The following ATP13A5 variants were observed in gnomAD, a reference collection of about 807,000 sequenced individuals.
The protein encoded by ATP13A5 is probable cation-transporting ATPase 13A5.
A neutral mutation model predicts 150.2 loss-of-function variants in ATP13A5; 149 were observed. The observed-to-expected ratio is 0.99, with a 90% CI of 0.87 to 1.14. The LOEUF is 1.14. Ranked by LOEUF, ATP13A5 falls within the 50% of genes most tolerant of loss-of-function variation. The pLI is 0.00. For missense variants in ATP13A5, 1,383 were observed against 1,449.3 expected, an observed-to-expected ratio of 0.95 and a Z score of 0.74; for synonymous variants, 497 against 522.2, an observed-to-expected ratio of 0.95 and a Z score of 0.66.
rs1273629034 is a variant in ATP13A5 at position 193,324,864 on chromosome 3, C to T, written c.1674G>A (p.Trp558Ter). 1.2e-6 allele frequency: 2 copies of T among 1,613,426 alleles called. No homozygotes were observed. The highest frequency in any genetic ancestry group is 1.7e-5 in the Admixed American group (1 of 59,902). The part of the protein sequence containing the change: ...LDLKMFEGTA[W>*]KMEDCIVDSC... ...TCTTTCCATTAAACTATCACCTTAC[C>T]CAGGCAGTGCCCTCAAACATTTTGA... The change falls in exon 14 of 30, where the codon TGG becomes TGA. Residue 558 changes from tryptophan to a stop codon, truncating the protein, a stop_gained and splice_region_variant. Transcript: ENST00000342358. LOFTEE classifies it high-confidence loss of function.
intron 2 of ATP13A5, among the ~76,000 whole-genome samples, chr3:193,363,758 A>G (rs1713130221): frequency 6.6e-6 from 1 of 152,220 alleles, no homozygotes; most frequent in Admixed American, 6.5e-5. Flanking sequence ...CAAAATACAT[A>G]TTTTTGAAAA....
At chr3:193,341,905 G>A (rs1455708281) in intron 9 of ATP13A5, among the ~76,000 whole-genome samples, 1 of 152,228 alleles carries the variant, frequency 6.6e-6, no homozygotes, top group East Asian at 1.9e-4. Context: ...GGAATACCAA[G>A]TAGGGAGAAA....
intron 17 of ATP13A5, among the ~76,000 whole-genome samples, chr3:193,315,943 A>G (rs553663635): frequency 6.6e-6 from 1 of 152,198 alleles, no homozygotes; most frequent in African/African-American, 2.4e-5. Flanking sequence ...ATCCATTAAC[A>G]ACAACTTCCT....
Position 193,285,431 on chromosome 3 carries a change from TC to T in ATP13A5, c.3024-316del, listed in dbSNP as rs1228342035. Among the ~76,000 whole-genome samples, 12 of 152,316 alleles carry T rather than the reference TC, an allele frequency of 7.9e-5. No homozygotes were observed. In the South Asian group the frequency reaches 2.3e-3, roughly 29 times the overall value. On this transcript the variant is annotated intron_variant, in intron 26 of 29. Coordinates refer to ENST00000342358, the MANE Select transcript of ATP13A5 (RefSeq NM_198505.4). ...CAATTAAACTGTGTGTGTGTGGTTT[TC>T]TCTTTCGTGGACTAAACAAGACTCC...
At chr3:193,378,636 G>A in intron 1 of ATP13A5, 27 bp downstream of exon 1, 2 of 1,601,964 alleles carry the variant, frequency 1.2e-6, no homozygotes, top group Admixed American at 1.7e-5. Flanking sequence ...TCTTTGAGAA[G>A]ACTAATAAAA....
intron 6 of ATP13A5, 64 bp downstream of exon 6, chr3:193,354,063 A>G (rs1417435767): frequency 1.5e-6 from 2 of 1,347,596 alleles, no homozygotes; most frequent in Non-Finnish European, 2.1e-6. Flanking sequence ...TGTTCCTTCT[A>G]GGAAGTAAGA....
Position 193,314,177 on chromosome 3 carries a change from CG to C in ATP13A5, c.2174del (p.Thr725ArgfsTer11). 6.2e-7 allele frequency: 1 copy of C among 1,613,654 alleles called. No homozygotes were observed. The highest frequency in any genetic ancestry group is 8.5e-7 in the Non-Finnish European group (1 of 1,179,740). The stretch of plus-strand genomic sequence containing the variant: ...CAGAATTCTTTGCAACAGTAATGGC[CG>C]TTTGAAGGTTATCACCTAGAAGACA... Reference protein sequence around the residue: ...TVMITGDNLQTAITVAKNSEM... With the variant: ...TVMITGDNLQXAITVAKNSEM... On this transcript the variant is annotated frameshift_variant, in exon 19 of 30. Coordinates refer to ENST00000342358, the MANE Select transcript of ATP13A5 (RefSeq NM_198505.4). LOFTEE classifies it high-confidence loss of function.
chr3:193,289,231 G>T (rs1184682829), intron 26 of ATP13A5, among the ~76,000 whole-genome samples: 1 of 152,016 alleles, frequency 6.6e-6, no homozygotes, highest in African/African-American at 2.4e-5. Context: ...TGAGCCATCG[G>T]CGCTATAGCC....
chr3:193,356,243 G>C (rs6794820), intron 5 of ATP13A5, among the ~76,000 whole-genome samples: 2 of 151,242 alleles, frequency 1.3e-5, no homozygotes, highest in Non-Finnish European at 2.9e-5. Context: ...TTACCTGAAA[G>C]TACACGTTAT....
chr3:193,329,566 G>A (rs546777265), intron 12 of ATP13A5, among the ~76,000 whole-genome samples: 2 of 152,152 alleles, frequency 1.3e-5, no homozygotes, highest in Non-Finnish European at 2.9e-5. Context: ...GGAAGTAACA[G>A]GAATCCCTGT....
In ATP13A5 at chr3:193,331,267, G is replaced by T. The variant is rs149554375; in HGVS notation, c.1317C>A (p.Thr439=). ...DTVTMALILL[T]VTVPPVLPAA... ...CTGGCAGCACTGGAGGGACAGTCAC[G>T]GTGAGGAGGATCAGGGCCATGGTCA... Residue 439 remains threonine, a synonymous_variant, in exon 12 of 30, where the codon ACC becomes ACA. Transcript: ENST00000342358. The T allele has an allele frequency of 6.2e-7, 1 of 1,613,924 alleles. No homozygotes were observed. Among genetic ancestry groups the T allele is most frequent in the Non-Finnish European group, 8.5e-7 (1 of 1,179,926 alleles).
At chr3:193,280,366 A>G (rs571134828) in intron 27 of ATP13A5, among the ~76,000 whole-genome samples, 2 of 152,134 alleles carry the variant, frequency 1.3e-5, no homozygotes, top group South Asian at 4.2e-4. Flanking sequence ...TTTTTCTTAA[A>G]CCAGTTAAAA....
intron 9 of ATP13A5, among the ~76,000 whole-genome samples, chr3:193,337,034 T>C (rs1711898183): frequency 6.6e-6 from 1 of 152,222 alleles, no homozygotes; most frequent in Non-Finnish European, 1.5e-5. Context: ...ATAAATGTCT[T>C]CTTTTGAGAA....
At chr3:193,369,645 A>G (rs373803911) in intron 1 of ATP13A5, among the ~76,000 whole-genome samples, 15 of 152,128 alleles carry the variant, frequency 9.9e-5, no homozygotes, top group African/African-American at 3.6e-4. Flanking sequence ...AAGGAAAATT[A>G]ATAGTATCCA....
chr3:193,307,403 A>G (rs1438719771), intron 21 of ATP13A5, 34 bp from the exon 22 acceptor site: 1 of 1,611,362 alleles, frequency 6.2e-7, no homozygotes, highest in South Asian at 1.1e-5. Context: ...ATTAATAGGT[A>G]AGAAAAATGA....
chr3:193,370,198 A>G (rs1713391376), intron 1 of ATP13A5, among the ~76,000 whole-genome samples: 1 of 152,184 alleles, frequency 6.6e-6, no homozygotes, highest in South Asian at 2.1e-4. Flanking sequence ...CAGAATACAA[A>G]GGAAGCAGTC....
At chr3:193,281,349 A>G (rs1717486936) in intron 27 of ATP13A5, 1 of 204,684 alleles carries the variant, frequency 4.9e-6, no homozygotes, top group South Asian at 1.7e-4. Flanking sequence ...ACAAGTGAGC[A>G]ATGTAGAAAC....
chr3:193,299,199 A>C lies in ATP13A5; in HGVS notation c.2780T>G (p.Leu927Arg), dbSNP rs1463137727. The change falls in exon 25 of 30, where the codon CTA (leucine) becomes CGA (arginine). Residue 927 changes from leucine to arginine, a missense_variant. Transcript: ENST00000342358. ...ATACTGGTAATTTCCAAAGAGTTGTAGTTGCTGAAAAAGAAACAAAAGCAA... is the reference window on the plus strand; with the variant it reads ...ATACTGGTAATTTCCAAAGAGTTGTCGTTGCTGAAAAAGAAACAAAAGCAA... ...FISALLLYWQ[L>R]QLFGNYQYLM... is the part of the protein sequence containing the mutation. 1 of 1,608,030 alleles carries C rather than the reference A, an allele frequency of 6.2e-7. No individual in the cohort carries two copies. The highest frequency in any genetic ancestry group is 8.5e-7 in the Non-Finnish European group (1 of 1,177,556).
At chr3:193,300,100 T>C (rs1718342415) in intron 24 of ATP13A5, among the ~76,000 whole-genome samples, 1 of 152,174 alleles carries the variant, frequency 6.6e-6, no homozygotes, top group Non-Finnish European at 1.5e-5. Flanking sequence ...TGCTTTCACA[T>C]GTTTGAAAGG....
Sources: allele counts gnomAD v4.1 joint callset (sites outside exome capture counted in the v4.1 genomes callset), GRCh38; gene constraint gnomAD v4.1.1; transcripts MANE v1.5; gene names NCBI Gene and HGNC (gene_info 2026-07-23, HGNC 2026-07-21).